Variants in ST18 observed in about 807,000 individuals in gnomAD.
ST18 encodes the protein suppression of tumorigenicity 18 protein.
Under a neutral mutation model 110.0 loss-of-function variants are expected in ST18, and 50 were observed. That is an observed-to-expected ratio of 0.45 (90% CI 0.36 to 0.58). The LOEUF (loss-of-function observed/expected upper bound fraction) is 0.58. Among genes scored for constraint, ST18 ranks in the 20% least tolerant of loss-of-function variants. The pLI is 0.00. For missense variants in ST18, 1,306 were observed against 1,280.1 expected (o/e 1.02, Z -0.31); for synonymous variants, 461 against 452.4 (o/e 1.02, Z -0.24).
chr8:52,221,578 C>A (rs2086775772), intron 4 of ST18, 62 bp downstream of exon 4: 2 of 152,300 alleles, frequency 1.3e-5, no homozygotes, highest in African/African-American at 2.4e-5. Context: ...TCACGTGTAT[C>A]CATGCACATT....
At chr8:52,316,462 G>C (rs938571786) in intron 2 of ST18, among the ~76,000 whole-genome samples, 11 of 152,156 alleles carry the variant, frequency 7.2e-5, no homozygotes, top group Non-Finnish European at 1.3e-4. Flanking sequence ...AATTTGTGTA[G>C]AATTTACACT....
intron 2 of ST18, among the ~76,000 whole-genome samples, chr8:52,272,744 T>G (rs1485453321): frequency 7.2e-5 from 11 of 152,180 alleles, no homozygotes; most frequent in African/African-American, 2.4e-5. Context: ...GGAATTAAAA[T>G]CAGGATCTCA....
chr8:52,332,575 G>A (rs1057199807), intron 2 of ST18, among the ~76,000 whole-genome samples: 7 of 146,702 alleles, frequency 4.8e-5, no homozygotes, highest in South Asian at 4.3e-4. Context: ...AATGCAGGCC[G>A]GGCACGGTGG....
chr8:52,167,120 G>T (rs2063274123), intron 10 of ST18, 134 bp from the exon 11 acceptor site: 2 of 1,236,062 alleles, frequency 1.6e-6, no homozygotes, highest in Non-Finnish European at 2.2e-6. Flanking sequence ...ACATCGCCTT[G>T]AACAAGACCC....
intron 18 of ST18, among the ~76,000 whole-genome samples, chr8:52,136,971 T>C (rs1046857403): frequency 2.0e-5 from 3 of 152,166 alleles, no homozygotes; most frequent in African/African-American, 7.2e-5. Flanking sequence ...AGCCAGGTGA[T>C]GGTGCTTTTC....
chr8:52,222,845 A>AT (rs917219989), intron 3 of ST18, among the ~76,000 whole-genome samples: 10 of 152,190 alleles, frequency 6.6e-5, no homozygotes, highest in African/African-American at 2.4e-4. Context: ...CAGTATACAC[A>AT]TTTTTGAAGG....
At chr8:52,262,758 A>T (rs564752825) in intron 2 of ST18, among the ~76,000 whole-genome samples, 1 of 152,312 alleles carries the variant, frequency 6.6e-6, no homozygotes, top group African/African-American at 2.4e-5. Flanking sequence ...TGTTTTGCCC[A>T]AGGCTGCCTT....
At chr8:52,161,660 C>T (rs1424551974) in intron 13 of ST18, 92 bp from the exon 14 acceptor site, 6 of 1,381,368 alleles carry the variant, frequency 4.3e-6, no homozygotes, top group Non-Finnish European at 6.0e-6. Context: ...ACATGTGTCA[C>T]TCCTGAAGGT....
intron 14 of ST18, among the ~76,000 whole-genome samples, chr8:52,160,258 T>A (rs1307994991): frequency 1.3e-5 from 2 of 152,226 alleles, no homozygotes. Flanking sequence ...GTGTACAACT[T>A]TTCCCTTAAA....
chr8:52,375,105 T>G (rs906328227), intron 2 of ST18, among the ~76,000 whole-genome samples: 3 of 151,858 alleles, frequency 2.0e-5, no homozygotes, highest in Admixed American at 6.6e-5. Flanking sequence ...TACTCTCTCT[T>G]TCTCTCTCTC....
intron 2 of ST18, among the ~76,000 whole-genome samples, chr8:52,399,592 C>T (rs1488034278): frequency 6.6e-6 from 1 of 151,480 alleles, no homozygotes; most frequent in Non-Finnish European, 1.5e-5. Flanking sequence ...CCTCTTAGTA[C>T]TATTGTTGTT....
At chr8:52,219,904 G>T (rs1233561573) in intron 5 of ST18, among the ~76,000 whole-genome samples, 1 of 152,144 alleles carries the variant, frequency 6.6e-6, no homozygotes, top group Non-Finnish European at 1.5e-5. Flanking sequence ...GCAACTTTGT[G>T]CAACTGGCAA....
At chr8:52,117,398 A>G (rs980901764) in intron 24 of ST18, among the ~76,000 whole-genome samples, 1 of 152,312 alleles carries the variant, frequency 6.6e-6, no homozygotes, top group South Asian at 2.1e-4. Flanking sequence ...CCATTCTAGC[A>G]TACAACACCA....
In ST18 at chr8:52,392,269, T is replaced by G. The variant is rs143098374; in HGVS notation, c.-465+17059A>C. Reference sequence around the variant, plus strand: ...GACAAATAGTTGTTGATGCTGGCGATAAGCATGGTGATGGTGACGGTGGTG... The same window carrying G: ...GACAAATAGTTGTTGATGCTGGCGAGAAGCATGGTGATGGTGACGGTGGTG... On this transcript the variant is annotated intron_variant, in intron 2 of 25. Coordinates refer to ENST00000689386, the MANE Select transcript of ST18 (RefSeq NM_001352837.2). 3.0e-4 allele frequency among the ~76,000 whole-genome samples: 45 copies of G among 152,244 alleles called. 2 individuals are homozygous for G. Among genetic ancestry groups the G allele is most frequent in the Non-Finnish European group, 4.0e-4 (27 of 68,012 alleles).
intron 2 of ST18, among the ~76,000 whole-genome samples, chr8:52,384,356 A>G (rs1271024507): frequency 6.6e-6 from 1 of 152,170 alleles, no homozygotes; most frequent in Non-Finnish European, 1.5e-5. Context: ...CAAAGCAGTC[A>G]GGGAGCGCCA....
chr8:52,234,535 T>C (rs2092286081), intron 2 of ST18, among the ~76,000 whole-genome samples: 1 of 152,136 alleles, frequency 6.6e-6, no homozygotes. Flanking sequence ...AGTGCTGGCA[T>C]GACCCACCAC....
intron 8 of ST18, among the ~76,000 whole-genome samples, chr8:52,185,217 A>C (rs2071558781): frequency 6.6e-6 from 1 of 152,204 alleles, no homozygotes; most frequent in Non-Finnish European, 1.5e-5. Context: ...ACCTAGGAAT[A>C]AATCTAACAG....
At chr8:52,225,467 T>C (rs2088980124) in intron 3 of ST18, among the ~76,000 whole-genome samples, 1 of 152,220 alleles carries the variant, frequency 6.6e-6, no homozygotes, top group South Asian at 2.1e-4. Context: ...TAATTTGCTT[T>C]GGGGGGCCAG....
chr8:52,236,587 G>C (rs2092706412), intron 2 of ST18, among the ~76,000 whole-genome samples: 1 of 148,710 alleles, frequency 6.7e-6, no homozygotes, highest in Admixed American at 6.8e-5. Context: ...CTCCAGCCTG[G>C]GCAACAAGAG....
Sources: allele counts gnomAD v4.1 joint callset (sites outside exome capture counted in the v4.1 genomes callset), GRCh38; gene constraint gnomAD v4.1.1; transcripts MANE v1.5; gene names NCBI Gene and HGNC (gene_info 2026-07-23, HGNC 2026-07-21).